Variants in PDE10A observed in about 807,000 individuals in gnomAD.
PDE10A encodes the protein phosphodiesterase 10A.
Under a neutral mutation model 97.7 loss-of-function variants are expected in PDE10A, and 39 were observed. That is an observed-to-expected ratio of 0.40 (90% CI 0.31 to 0.52). PDE10A has a LOEUF of 0.52. PDE10A is among the 20% of genes least tolerant of loss of function. The pLI is 0.56. For synonymous variants in PDE10A, 371 were observed against 376.8 expected (o/e 0.98, Z 0.18); for missense variants, 731 against 1,047.8 (o/e 0.70, Z 4.17).
At chr6:165,442,587 T>A (rs1790552607) in intron 5 of PDE10A, among the ~76,000 whole-genome samples, 1 of 152,114 alleles carries the variant, frequency 6.6e-6, no homozygotes, top group African/African-American at 2.4e-5. Flanking sequence ...ACACATTTAC[T>A]ATCATGAGAA....
At chr6:165,883,380 C>T (rs567769567) in intron 1 of PDE10A, among the ~76,000 whole-genome samples, 1 of 151,760 alleles carries the variant, frequency 6.6e-6, no homozygotes, top group Non-Finnish European at 1.5e-5. Context: ...TTGTCTCTAC[C>T]AAGAATACAA....
chr6:165,863,998 T>C (rs766823819), intron 1 of PDE10A, among the ~76,000 whole-genome samples: 1 of 152,114 alleles, frequency 6.6e-6, no homozygotes, highest in African/African-American at 2.4e-5. Flanking sequence ...GGAAATGCAA[T>C]TATCCAAAAG....
intron 6 of PDE10A, 96 bp from the exon 7 acceptor site, chr6:165,433,225 C>G: frequency 1.2e-6 from 1 of 844,850 alleles, no homozygotes; most frequent in Non-Finnish European, 1.9e-6. Context: ...TACTTGTAAT[C>G]AATAATAAGC....
In PDE10A at chr6:165,488,104, T is replaced by C. The variant is rs1264737081; in HGVS notation, c.995-5761A>G. Among the ~76,000 whole-genome samples the C allele has an allele frequency of 2.0e-5, 3 of 151,526 alleles. No individual in the cohort carries two copies. In the East Asian group the frequency reaches 5.8e-4, roughly 29 times the overall value. On this transcript the variant is annotated intron_variant, in intron 2 of 21. Transcript: ENST00000539869. ...GCAGCATAGGATTTTTATAAACATG[T>C]GTTTTTATTCAACAAATATTTACTG...
chr6:165,937,034 A>G (rs1783353431), intron 1 of PDE10A, among the ~76,000 whole-genome samples: 1 of 152,194 alleles, frequency 6.6e-6, no homozygotes, highest in African/African-American at 2.4e-5. Context: ...TTGCGCTGAG[A>G]CGAAGTTCTT....
intron 1 of PDE10A, among the ~76,000 whole-genome samples, chr6:165,979,695 A>T (rs1784953857): frequency 6.6e-6 from 1 of 152,192 alleles, no homozygotes; most frequent in Admixed American, 6.5e-5. Flanking sequence ...CACACGGTGG[A>T]AATGTCACAG....
chr6:165,416,073 T>C (rs1484965732), intron 12 of PDE10A, 116 bp downstream of exon 12: 1 of 713,322 alleles, frequency 1.4e-6, no homozygotes, highest in African/African-American at 1.8e-5. Flanking sequence ...AGAAGAAAAC[T>C]AAGGAAGAAA....
chr6:165,494,666 T>G (rs1472493079), intron 2 of PDE10A, among the ~76,000 whole-genome samples: 1 of 152,132 alleles, frequency 6.6e-6, no homozygotes, highest in Non-Finnish European at 1.5e-5. Context: ...TCATATGAAC[T>G]AGCTACAAAG....
intron 1 of PDE10A, among the ~76,000 whole-genome samples, chr6:165,923,495 G>A (rs959679465): frequency 2.0e-5 from 3 of 152,202 alleles, no homozygotes; most frequent in Admixed American, 6.5e-5. Context: ...CCTAAACAAT[G>A]CGAAGACAGG....
chr6:165,705,495 G>C (rs918729221), intron 1 of PDE10A, among the ~76,000 whole-genome samples: 7 of 152,236 alleles, frequency 4.6e-5, no homozygotes, highest in Non-Finnish European at 8.8e-5. Context: ...ACCTAGCTCG[G>C]TGCCTGATGC....
At chr6:165,614,263 T>A (rs192351838) in intron 1 of PDE10A, among the ~76,000 whole-genome samples, 162 of 152,298 alleles carry the variant, frequency 1.1e-3, no homozygotes, top group Non-Finnish European at 1.6e-4. Context: ...TTCCCCATAC[T>A]CATCCTTAAA....
At chr6:165,755,175 C>T (rs1562720167) in intron 1 of PDE10A, among the ~76,000 whole-genome samples, 1 of 152,158 alleles carries the variant, frequency 6.6e-6, no homozygotes, top group Admixed American at 6.5e-5. Context: ...CCAGGATGGC[C>T]TGCGACCAGA....
At chr6:165,338,387 G>A (rs886288256) in intron 20 of PDE10A, among the ~76,000 whole-genome samples, 2 of 152,088 alleles carry the variant, frequency 1.3e-5, no homozygotes, top group African/African-American at 4.8e-5. Flanking sequence ...TAACTTCCTT[G>A]TTATGCCATT....
At chr6:165,441,054 G>C (rs1368919208) in intron 5 of PDE10A, among the ~76,000 whole-genome samples, 1 of 152,176 alleles carries the variant, frequency 6.6e-6, no homozygotes, top group Non-Finnish European at 1.5e-5. Flanking sequence ...GTCTATAGCA[G>C]ACATTGCTAT....
chr6:165,424,496 T>C (rs1788971805), intron 10 of PDE10A, among the ~76,000 whole-genome samples: 1 of 151,634 alleles, frequency 6.6e-6, no homozygotes, highest in Admixed American at 6.6e-5. Context: ...TCTACCCCAA[T>C]AAGACTCTAA....
At chr6:165,384,683 A>T (rs1329696531) in intron 17 of PDE10A, among the ~76,000 whole-genome samples, 2 of 129,526 alleles carry the variant, frequency 1.5e-5, no homozygotes. Context: ...GGGGGGGGCG[A>T]CTAAAGGTTA....
At position 165,507,452 on chromosome 6, in the gene PDE10A, C is replaced by T. The variant is rs550536021; in HGVS notation, c.995-25109G>A. 3.9e-5 allele frequency among the ~76,000 whole-genome samples: 6 copies of T among 152,200 alleles called. No homozygotes were observed. In the East Asian group the frequency reaches 1.2e-3, roughly 29 times the overall value. Reference sequence around the variant, plus strand: ...AATGTTCCTTTTCCCCTTATATGCACTCTTCATGAGACTCCTACTATCATG... The same window carrying T: ...AATGTTCCTTTTCCCCTTATATGCATTCTTCATGAGACTCCTACTATCATG... On this transcript the variant is annotated intron_variant, in intron 2 of 21. Transcript: ENST00000539869.
At chr6:165,889,691 G>A (rs1232061102) in intron 1 of PDE10A, among the ~76,000 whole-genome samples, 1 of 152,080 alleles carries the variant, frequency 6.6e-6, no homozygotes, top group African/African-American at 2.4e-5. Context: ...CCCCTCAAGT[G>A]TCCTCCATGA....
At chr6:165,560,536 C>A (rs897478110) in intron 1 of PDE10A, among the ~76,000 whole-genome samples, 8 of 152,196 alleles carry the variant, frequency 5.3e-5, no homozygotes, top group Non-Finnish European at 1.2e-4. Context: ...GTTTAAGTCA[C>A]TAAATTTGTG....
Sources: allele counts gnomAD v4.1 joint callset (sites outside exome capture counted in the v4.1 genomes callset), GRCh38; gene constraint gnomAD v4.1.1; transcripts MANE v1.5; gene names NCBI Gene and HGNC (gene_info 2026-07-23, HGNC 2026-07-21).